ANGPT1: variants seen among roughly 807,000 people sequenced by gnomAD.
ANGPT1 encodes angiopoietin 1.
Under a neutral mutation model 62.2 loss-of-function variants are expected in ANGPT1, and 17 were observed. The observed-to-expected ratio is 0.27, with a 90% CI of 0.19 to 0.41. The LOEUF is 0.41. Ranked by LOEUF, ANGPT1 falls within the 10% of genes least tolerant of loss-of-function variation. The pLI is 1.00. For synonymous variants in ANGPT1, 199 were observed against 198.9 expected (o/e 1.00, Z 0.00); for missense variants, 478 against 594.9 (o/e 0.80, Z 2.04).
In ANGPT1 at chr8:107,251,782, T is replaced by G; in HGVS notation, c.*73A>C. ...ACAATATTGTTTGCTTCTGAAGTTT[T>G]CAAACAGTTTCTCACCTGGCAGCTT... is the stretch of plus-strand genomic sequence containing the variant. On this transcript the variant is annotated 3_prime_UTR_variant, in exon 9 of 9. Transcript: ENST00000517746. 6.4e-7 allele frequency: 1 copy of G among 1,562,650 alleles called. No individual in the cohort carries two copies. Among genetic ancestry groups the G allele is most frequent in the Non-Finnish European group, 8.8e-7 (1 of 1,142,138 alleles).
At chr8:107,447,247 T>A (rs1289610039) in intron 1 of ANGPT1, among the ~76,000 whole-genome samples, 2 of 152,220 alleles carry the variant, frequency 1.3e-5, no homozygotes, top group Non-Finnish European at 2.9e-5. Context: ...TGTTTGAAAT[T>A]GGAATCAGGT....
chr8:107,366,400 T>C (rs1210565221), intron 1 of ANGPT1, among the ~76,000 whole-genome samples: 1 of 152,174 alleles, frequency 6.6e-6, no homozygotes, highest in East Asian at 1.9e-4. Context: ...CAGGGCAGAC[T>C]AAACAGAATT....
At chr8:107,265,326 C>T (rs1001425093) in intron 7 of ANGPT1, among the ~76,000 whole-genome samples, 4 of 152,124 alleles carry the variant, frequency 2.6e-5, no homozygotes, top group Non-Finnish European at 5.9e-5. Flanking sequence ...TCCTAGAATC[C>T]GAGAACTAGT....
intron 1 of ANGPT1, among the ~76,000 whole-genome samples, chr8:107,427,256 G>C (rs1811064399): frequency 1.3e-5 from 2 of 152,142 alleles, no homozygotes; most frequent in South Asian, 4.1e-4. Context: ...GTTAGGGGCT[G>C]CCTAGGGGCC....
chr8:107,472,871 T>C (rs950324107), intron 1 of ANGPT1, among the ~76,000 whole-genome samples: 1 of 152,062 alleles, frequency 6.6e-6, no homozygotes, highest in Non-Finnish European at 1.5e-5. Flanking sequence ...GTGTGATTTA[T>C]CTTTTTGTTA....
chr8:107,355,777 T>C lies in ANGPT1; in HGVS notation c.298-8680A>G, dbSNP rs546830044. 9.8e-4 allele frequency among the ~76,000 whole-genome samples: 150 copies of C among 152,286 alleles called. 1 individual carries two copies. The highest frequency in any genetic ancestry group is 3.4e-3 in the Middle Eastern group (1 of 294). On this transcript the variant is annotated intron_variant, in intron 1 of 8. Coordinates refer to ENST00000517746, the MANE Select transcript of ANGPT1 (RefSeq NM_001146.5). ...CTCTCTGTAATACCCTTCTTTTCTA[T>C]TTCTAGAGCACCTGTACCTCTGTTT...
At chr8:107,260,941 G>A (rs1381653808) in intron 8 of ANGPT1, among the ~76,000 whole-genome samples, 1 of 152,114 alleles carries the variant, frequency 6.6e-6, no homozygotes, top group Non-Finnish European at 1.5e-5. Context: ...TGAAAACCAA[G>A]ATGTACATTC....
At chr8:107,382,629 A>G (rs964987599) in intron 1 of ANGPT1, among the ~76,000 whole-genome samples, 11 of 151,380 alleles carry the variant, frequency 7.3e-5, no homozygotes, top group African/African-American at 2.4e-4. Flanking sequence ...TGATGTCACT[A>G]AACACAGAGC....
At chr8:107,430,384 T>C (rs539870197) in intron 1 of ANGPT1, among the ~76,000 whole-genome samples, 1 of 152,210 alleles carries the variant, frequency 6.6e-6, no homozygotes, top group Non-Finnish European at 1.5e-5. Flanking sequence ...CATTTTACTA[T>C]CACTTTTGGT....
At chr8:107,280,966 A>C (rs1276040133) in intron 7 of ANGPT1, among the ~76,000 whole-genome samples, 1 of 152,208 alleles carries the variant, frequency 6.6e-6, no homozygotes, top group Non-Finnish European at 1.5e-5. Flanking sequence ...GGAAGTATTA[A>C]ATAATTTCAC....
chr8:107,399,127 G>A (rs1816993451), intron 1 of ANGPT1, among the ~76,000 whole-genome samples: 1 of 152,078 alleles, frequency 6.6e-6, no homozygotes, highest in South Asian at 2.1e-4. Flanking sequence ...GGTATTACTA[G>A]GGGTCAATAT....
At chr8:107,393,312 GC>G (rs1206237414) in intron 1 of ANGPT1, among the ~76,000 whole-genome samples, 1 of 152,096 alleles carries the variant, frequency 6.6e-6, no homozygotes, top group African/African-American at 2.4e-5. Flanking sequence ...GGGACTGACT[GC>G]AAAAGATTTG....
chr8:107,389,648 G>A (rs531450744), intron 1 of ANGPT1, among the ~76,000 whole-genome samples: 2 of 152,116 alleles, frequency 1.3e-5, no homozygotes, highest in South Asian at 4.2e-4. Flanking sequence ...CCAAACAGAG[G>A]ATAACATATA....
chr8:107,266,047 T>C (rs983467740), intron 7 of ANGPT1, among the ~76,000 whole-genome samples: 9 of 152,176 alleles, frequency 5.9e-5, no homozygotes, highest in African/African-American at 2.2e-4. Context: ...GTAGTACAAA[T>C]AATCTTCTAA....
intron 1 of ANGPT1, among the ~76,000 whole-genome samples, chr8:107,449,506 G>T (rs1458039851): frequency 6.6e-6 from 1 of 151,694 alleles, no homozygotes; most frequent in Non-Finnish European, 1.5e-5. Flanking sequence ...GAGATTCAGG[G>T]GCTCAAACAT....
chr8:107,454,564 T>G (rs1033669744), intron 1 of ANGPT1, among the ~76,000 whole-genome samples: 2 of 152,072 alleles, frequency 1.3e-5, no homozygotes, highest in African/African-American at 4.8e-5. Flanking sequence ...AAGTACACAC[T>G]AAGTAGCAAG....
intron 1 of ANGPT1, among the ~76,000 whole-genome samples, chr8:107,459,208 T>G (rs1417980099): frequency 1.3e-5 from 2 of 152,152 alleles, no homozygotes; most frequent in African/African-American, 4.8e-5. Flanking sequence ...ATGGAGCTTT[T>G]AAAACACTTT....
At chr8:107,282,158 T>C (rs1055822455) in intron 7 of ANGPT1, among the ~76,000 whole-genome samples, 2 of 151,984 alleles carry the variant, frequency 1.3e-5, no homozygotes, top group East Asian at 3.9e-4. Flanking sequence ...CTTTAATGAA[T>C]CTTTCACCAG....
intron 1 of ANGPT1, among the ~76,000 whole-genome samples, chr8:107,479,254 G>T (rs935854784): frequency 6.6e-5 from 10 of 152,064 alleles, no homozygotes; most frequent in African/African-American, 2.4e-4. Flanking sequence ...CAATGAGCAT[G>T]TTCATATATG....
Sources: gnomAD v4.1 joint callset for allele counts (sites outside exome capture counted in the v4.1 genomes callset) on GRCh38, gnomAD v4.1.1 for gene constraint, MANE v1.5 for transcripts, NCBI Gene and HGNC (gene_info 2026-07-23, HGNC 2026-07-21) for gene names.